Variants in CDH13 observed in about 807,000 individuals in gnomAD.
CDH13 encodes cadherin 13.
In CDH13, 24 loss-of-function variants were observed where a neutral mutation model predicts 63.8. The ratio of observed to expected loss-of-function variants is 0.38; its 90% CI spans 0.27 to 0.53. The LOEUF (loss-of-function observed/expected upper bound fraction) is 0.53, where lower values mean the gene tolerates loss of function less well. Among genes scored for constraint, CDH13 ranks in the 20% least tolerant of loss-of-function variants. The probability of loss-of-function intolerance (pLI) is 0.85; values close to 1 mark genes in which losing one functional copy is unlikely to be tolerated. For missense variants in CDH13, 1,049 were observed against 903.1 expected (o/e 1.16, Z -2.07); for synonymous variants, 503 against 355.3 (o/e 1.42, Z -4.67).
chr16:83,249,489 C>T (rs529842361), intron 5 of CDH13, among the ~76,000 whole-genome samples: 2 of 152,290 alleles, frequency 1.3e-5, no homozygotes, highest in South Asian at 2.1e-4. Context: ...CTGCTTGAGG[C>T]ACTCTGATAA....
chr16:83,684,714 C>G (rs763404001), intron 10 of CDH13, among the ~76,000 whole-genome samples: 8 of 152,192 alleles, frequency 5.3e-5, no homozygotes, highest in Non-Finnish European at 1.2e-4. Context: ...AATATTGTTC[C>G]TACCCATGTA....
intron 1 of CDH13, among the ~76,000 whole-genome samples, chr16:82,635,352 A>C (rs1251114675): frequency 6.6e-6 from 1 of 152,254 alleles, no homozygotes; most frequent in East Asian, 1.9e-4. Flanking sequence ...ACAAAGACAC[A>C]GTAGAGGGTG....
intron 2 of CDH13, among the ~76,000 whole-genome samples, chr16:82,872,432 CG>C (rs2040372407): frequency 6.6e-6 from 1 of 152,296 alleles, no homozygotes; most frequent in South Asian, 2.1e-4. Context: ...CAGGAACATA[CG>C]GATGTTACAG....
At chr16:82,791,932 G>T (rs181717775) in intron 1 of CDH13, among the ~76,000 whole-genome samples, 2 of 152,122 alleles carry the variant, frequency 1.3e-5, no homozygotes, top group Non-Finnish European at 2.9e-5. Context: ...TCTTGGGAGC[G>T]GCCCGCCCCA....
chr16:83,081,082 T>C (rs749564462), intron 3 of CDH13, among the ~76,000 whole-genome samples: 1 of 151,846 alleles, frequency 6.6e-6, no homozygotes, highest in Non-Finnish European at 1.5e-5. Flanking sequence ...GGTTTCTCCA[T>C]GTTGGTCAGG....
intron 1 of CDH13, among the ~76,000 whole-genome samples, chr16:82,814,631 C>G (rs2037612355): frequency 6.6e-6 from 1 of 152,186 alleles, no homozygotes; most frequent in South Asian, 2.1e-4. Flanking sequence ...CTTGGTGTGA[C>G]TGTTCATCTA....
At chr16:83,257,624 T>C (rs1906456915) in intron 5 of CDH13, among the ~76,000 whole-genome samples, 1 of 152,218 alleles carries the variant, frequency 6.6e-6, no homozygotes, top group Admixed American at 6.5e-5. Flanking sequence ...TGTAGTAGTA[T>C]TGTGTGGCGT....
intron 2 of CDH13, chr16:82,990,403 G>A (rs965635568): frequency 6.6e-6 from 1 of 152,158 alleles, no homozygotes; most frequent in Non-Finnish European, 1.5e-5. Context: ...ATCTTTCTAG[G>A]TACAGCCCAT....
rs1002679228 is a variant in CDH13, at chr16:83,533,846, C to G, written c.960+47191C>G. 5.3e-5 allele frequency among the ~76,000 whole-genome samples: 8 copies of G among 152,164 alleles called. No individual in the cohort carries two copies. The East Asian group carries it at 1.5e-3, about 29-fold the overall frequency. ...ATGTTGCCCAGGCTAGTCTCAAACT[C>G]CTGACCCCAAGTGATCCGCCCACCT... On this transcript the variant is annotated intron_variant, in intron 7 of 13. Coordinates refer to ENST00000567109, the MANE Select transcript of CDH13 (RefSeq NM_001257.5).
At chr16:82,893,901 C>T (rs796164928) in intron 2 of CDH13, among the ~76,000 whole-genome samples, 6 of 152,158 alleles carry the variant, frequency 3.9e-5, no homozygotes, top group African/African-American at 1.2e-4. Flanking sequence ...ATCATTCCCC[C>T]GTCCTCACTC....
chr16:83,047,598 C>A lies in CDH13; in HGVS notation c.366+15380C>A, dbSNP rs886690867. Among the ~76,000 whole-genome samples the A allele has an allele frequency of 6.6e-6, 1 of 152,152 alleles. No individual in the cohort carries two copies. Among genetic ancestry groups the A allele is most frequent in the African/African-American group, 2.4e-5 (1 of 41,420 alleles). On this transcript the variant is annotated intron_variant, in intron 3 of 13. Transcript: ENST00000567109. This position sits in a 1 kb window ranked among gnomAD's most constrained non-coding sequence, Gnocchi z 4.9. Reference sequence around the variant, plus strand: ...AAAGCTCCCTGTATTTTCCCAAATTCTGCATAAATAAAATAATATGCTCCA... The same window carrying A: ...AAAGCTCCCTGTATTTTCCCAAATTATGCATAAATAAAATAATATGCTCCA...
chr16:82,935,743 A>G (rs2042646945), intron 2 of CDH13, among the ~76,000 whole-genome samples: 1 of 152,122 alleles, frequency 6.6e-6, no homozygotes, highest in African/African-American at 2.4e-5. Flanking sequence ...TCTCATAGAA[A>G]GTGGCTATGT....
At position 83,061,869 on chromosome 16, in the gene CDH13, A is replaced by C. The variant is rs112781134; in HGVS notation, c.366+29651A>C. ...AATGCCTGCCTTAATGCCCCATGCT[A>C]ATGTCAGCCCTGAGATGTCACAATA... is the stretch of plus-strand genomic sequence containing the variant. On this transcript the variant is annotated intron_variant, in intron 3 of 13. Coordinates refer to ENST00000567109, the MANE Select transcript of CDH13 (RefSeq NM_001257.5). 8.6e-3 allele frequency among the ~76,000 whole-genome samples: 1,316 copies of C among 152,304 alleles called. 12 individuals carry two copies. Among genetic ancestry groups the C allele is most frequent in the Non-Finnish European group, 0.012 (810 of 68,022 alleles).
chr16:83,485,617 C>G (rs1393858362), intron 6 of CDH13, among the ~76,000 whole-genome samples: 2 of 152,186 alleles, frequency 1.3e-5, no homozygotes, highest in African/African-American at 2.4e-5. Context: ...CCTGCCTACT[C>G]TCTTCTTACG....
chr16:83,775,140 C>T (rs979628661), intron 11 of CDH13, among the ~76,000 whole-genome samples: 2 of 151,684 alleles, frequency 1.3e-5, no homozygotes, highest in African/African-American at 4.8e-5. Flanking sequence ...AGAAGGAGGC[C>T]TGACACTCAC....
chr16:82,829,375 T>A (rs963513142), intron 1 of CDH13: 4 of 152,216 alleles, frequency 2.6e-5, no homozygotes, highest in Non-Finnish European at 5.9e-5. Flanking sequence ...GCTTGCCTGT[T>A]AAGCCATTGA....
intron 5 of CDH13, among the ~76,000 whole-genome samples, chr16:83,311,833 G>C (rs1230413017): frequency 1.3e-5 from 2 of 152,168 alleles, no homozygotes; most frequent in Non-Finnish European, 1.5e-5. Context: ...CCAGCACTTT[G>C]GGAGGCCAAG....
At chr16:82,993,692 G>C (rs759527224) in intron 2 of CDH13, among the ~76,000 whole-genome samples, 4 of 152,136 alleles carry the variant, frequency 2.6e-5, no homozygotes, top group Non-Finnish European at 5.9e-5. Context: ...AGCTGAACAC[G>C]TGTTACACCT....
chr16:82,732,409 C>T (rs972713523), intron 1 of CDH13, among the ~76,000 whole-genome samples: 1 of 152,154 alleles, frequency 6.6e-6, no homozygotes. Flanking sequence ...TTTGAGGCCC[C>T]AGTAGTTGCT....
Sources: allele counts gnomAD v4.1 joint callset (sites outside exome capture counted in the v4.1 genomes callset), GRCh38; gene constraint gnomAD v4.1.1; non-coding constraint Gnocchi (gnomAD v3.1); transcripts MANE v1.5; gene names NCBI Gene and HGNC (gene_info 2026-07-23, HGNC 2026-07-21).